The following AP3B1 variants were observed in gnomAD, a reference collection of about 807,000 sequenced individuals.
AP3B1 encodes AP-3 complex subunit beta-1.
A neutral mutation model predicts 132.5 loss-of-function variants in AP3B1; 61 were observed. That is an observed-to-expected ratio of 0.46 (90% CI 0.37 to 0.57). AP3B1 has a LOEUF of 0.57. AP3B1 is among the 20% of genes least tolerant of loss of function. The pLI is 0.00. For missense variants in AP3B1, 1,120 were observed against 1,289.4 expected (o/e 0.87, Z 2.01); for synonymous variants, 388 against 438.3 (o/e 0.89, Z 1.43).
At chr5:78,244,682 A>G (rs1747297471) in intron 2 of AP3B1, among the ~76,000 whole-genome samples, 1 of 152,144 alleles carries the variant, frequency 6.6e-6, no homozygotes, top group African/African-American at 2.4e-5. Context: ...ACTGAGTGAC[A>G]AGACATAGTA....
At chr5:78,081,300 ATT>A (rs560113962) in intron 22 of AP3B1, among the ~76,000 whole-genome samples, 229 of 100,790 alleles carry the variant, frequency 2.3e-3, no homozygotes, top group African/African-American at 8.0e-3. Context: ...GCATTACTTC[ATT>A]TTTTTTTTTT....
intron 11 of AP3B1, among the ~76,000 whole-genome samples, chr5:78,175,134 C>T (rs1295041370): frequency 6.6e-6 from 1 of 152,216 alleles, no homozygotes. Context: ...TCCCGGCTTC[C>T]CGTGGCTAGG....
chr5:78,260,768 C>CGCTTT (rs1335767858), intron 2 of AP3B1, among the ~76,000 whole-genome samples: 2 of 152,134 alleles, frequency 1.3e-5, no homozygotes, highest in East Asian at 3.8e-4. Flanking sequence ...CCCAATTTCT[C>CGCTTT]GCTTTCCCCC....
chr5:78,134,149 C>CAAAAAAAAAAAAAAAAAAAAAAA (rs397961933), intron 15 of AP3B1, among the ~76,000 whole-genome samples: 20 of 74,188 alleles, frequency 2.7e-4, no homozygotes, highest in African/African-American at 9.8e-4. Context: ...AGACTCGCCT[C>CAAAAAAAAAAAAAAAAAAAAAAA]AAAAAAAAAA....
chr5:78,288,380 T>G (rs1749370124), intron 1 of AP3B1, among the ~76,000 whole-genome samples: 1 of 152,220 alleles, frequency 6.6e-6, no homozygotes. Flanking sequence ...GAACCATACA[T>G]ATGGAATAAT....
Position 78,043,769 on chromosome 5 carries a change from G to T in AP3B1, c.2578-4495C>A, listed in dbSNP as rs146620425. On this transcript the variant is annotated intron_variant, in intron 22 of 26. Coordinates refer to ENST00000255194, the MANE Select transcript of AP3B1 (RefSeq NM_003664.5). ...GCAGAAAAAAAGGCAGCACCAAACT[G>T]CCCAATCATGGAGATATCTACACTA... 6.3e-4 allele frequency: 241 copies of T among 381,206 alleles called. 1 individual carries two copies. Among genetic ancestry groups the T allele is most frequent in the Admixed American group, 7.9e-4 (27 of 34,026 alleles). 23.6% of individuals were successfully genotyped at this position (381,206 alleles called of 1,614,324 possible). A position where few individuals can be genotyped will look rare whatever the true frequency, so the allele number is the denominator to read the frequency against.
intron 7 of AP3B1, among the ~76,000 whole-genome samples, chr5:78,194,778 A>G (rs1379189514): frequency 6.6e-6 from 1 of 152,222 alleles, no homozygotes; most frequent in Non-Finnish European, 1.5e-5. Context: ...CTATGACAGC[A>G]TTGTATCCAT....
chr5:78,112,345 A>G (rs776444970), intron 19 of AP3B1, among the ~76,000 whole-genome samples: 6 of 152,196 alleles, frequency 3.9e-5, no homozygotes, highest in Non-Finnish European at 8.8e-5. Context: ...ATTATCCCCA[A>G]TTCACTGGTT....
chr5:78,195,160 C>G (rs1345641902), intron 7 of AP3B1, among the ~76,000 whole-genome samples: 1 of 151,886 alleles, frequency 6.6e-6, no homozygotes, highest in Non-Finnish European at 1.5e-5. Flanking sequence ...TAAATACACT[C>G]TCAATAGAAA....
chr5:78,109,630 TA>T (rs1751488016), intron 20 of AP3B1, among the ~76,000 whole-genome samples: 1 of 152,140 alleles, frequency 6.6e-6, no homozygotes, highest in Non-Finnish European at 1.5e-5. Flanking sequence ...TGAAATCAGA[TA>T]GAATACATTT....
At chr5:78,250,565 T>C (rs1747587232) in intron 2 of AP3B1, among the ~76,000 whole-genome samples, 1 of 151,800 alleles carries the variant, frequency 6.6e-6, no homozygotes, top group Admixed American at 6.6e-5. Context: ...TCTGGAAAAA[T>C]AAAGATAAAT....
chr5:78,204,273 C>T (rs116059444), intron 7 of AP3B1, among the ~76,000 whole-genome samples: 3,100 of 152,240 alleles, frequency 0.02, 47 homozygotes, highest in Middle Eastern at 0.037. Flanking sequence ...ACAGTCGTTT[C>T]TAAGCTATTT....
intron 23 of AP3B1, among the ~76,000 whole-genome samples, chr5:78,038,770 A>G (rs1747915121): frequency 6.6e-6 from 1 of 152,236 alleles, no homozygotes; most frequent in Non-Finnish European, 1.5e-5. Context: ...TAAGTAAAAC[A>G]TGATGGCAAT....
At chr5:78,252,716 G>A (rs1411896693) in intron 2 of AP3B1, among the ~76,000 whole-genome samples, 3 of 152,152 alleles carry the variant, frequency 2.0e-5, no homozygotes, top group Admixed American at 2.0e-4. Flanking sequence ...CAGAACACTA[G>A]GTAGACTTCT....
Position 78,098,127 on chromosome 5 carries a change from G to C in AP3B1, c.2470+2826C>G, listed in dbSNP as rs60589575. 3.4e-5 allele frequency among the ~76,000 whole-genome samples: 5 copies of C among 147,736 alleles called. No homozygotes were observed. In the Admixed American group the frequency reaches 3.4e-4, roughly 10 times the overall value. On this transcript the variant is annotated intron_variant, in intron 21 of 26. Transcript: ENST00000255194. ...CACCACTCCCTAATCTCAAGTACCC[G>C]GGGACACAAACACTGCGGAAGGCCG...
At chr5:78,096,343 C>T (rs972757172) in intron 21 of AP3B1, among the ~76,000 whole-genome samples, 34 of 152,146 alleles carry the variant, frequency 2.2e-4, no homozygotes, top group Non-Finnish European at 4.4e-4. Context: ...AGTGCAGTGG[C>T]ATGATCTTGG....
intron 15 of AP3B1, among the ~76,000 whole-genome samples, chr5:78,134,751 C>T (rs1046824884): frequency 3.9e-5 from 6 of 152,166 alleles, no homozygotes; most frequent in African/African-American, 1.4e-4. Flanking sequence ...CCACGTTGGT[C>T]AGGCTGGTCT....
chr5:78,117,562 G>A (rs539482921), intron 17 of AP3B1, among the ~76,000 whole-genome samples: 1 of 151,952 alleles, frequency 6.6e-6, no homozygotes, highest in South Asian at 2.1e-4. Flanking sequence ...CACCTGCCTC[G>A]ACCTCCCAAA....
chr5:78,268,424 G>A (rs915224824), intron 1 of AP3B1, among the ~76,000 whole-genome samples: 2 of 151,966 alleles, frequency 1.3e-5, no homozygotes, highest in African/African-American at 2.4e-5. Flanking sequence ...GAATTCGATA[G>A]GAACTAAATA....
Sources: gnomAD v4.1 joint callset for allele counts (sites outside exome capture counted in the v4.1 genomes callset) on GRCh38, gnomAD v4.1.1 for gene constraint, MANE v1.5 for transcripts, NCBI Gene and HGNC (gene_info 2026-07-23, HGNC 2026-07-21) for gene names.